Variants in ABLIM3 observed in about 807,000 individuals in gnomAD.
ABLIM3 encodes actin-binding LIM protein 3.
Under a neutral mutation model 109.5 loss-of-function variants are expected in ABLIM3, and 61 were observed. That is an observed-to-expected ratio of 0.56 (90% CI 0.45 to 0.69). ABLIM3 has a LOEUF of 0.69. ABLIM3 is among the 30% of genes least tolerant of loss of function. The probability of loss-of-function intolerance (pLI) is 0.00; values close to 1 mark genes in which losing one functional copy is unlikely to be tolerated. For synonymous variants in ABLIM3, 300 were observed against 324.8 expected (o/e 0.92, Z 0.82); for missense variants, 796 against 889.5 (o/e 0.89, Z 1.34).
chr5:149,158,500 C>T (rs1754046476), intron 2 of ABLIM3, among the ~76,000 whole-genome samples: 1 of 152,098 alleles, frequency 6.6e-6, no homozygotes, highest in Non-Finnish European at 1.5e-5. Context: ...ATATGTAAAA[C>T]ACTTTGAGCT....
intron 14 of ABLIM3, 63 bp downstream of exon 14, chr5:149,240,837 G>A: frequency 6.7e-7 from 1 of 1,489,824 alleles, no homozygotes. Context: ...ACAGGTGCCT[G>A]AGTCACCCCC....
At chr5:149,254,465 C>G (rs780048276) in intron 23 of ABLIM3, among the ~76,000 whole-genome samples, 1 of 152,078 alleles carries the variant, frequency 6.6e-6, no homozygotes, top group Non-Finnish European at 1.5e-5. Flanking sequence ...TGTCAGAAAA[C>G]GTTTGTGGGA....
Position 149,199,802 on chromosome 5 carries a change from G to A in ABLIM3, c.336-514G>A, listed in dbSNP as rs368833641. 7.2e-5 allele frequency among the ~76,000 whole-genome samples: 11 copies of A among 152,352 alleles called. No individual in the cohort carries two copies. The East Asian group carries it at 1.2e-3, about 16-fold the overall frequency. ...TAATTTAGTTGGGGAGGCAGAGCAT[G>A]TGCAAATTTGAGACTCCCCAGCTGT... On this transcript the variant is annotated intron_variant, in intron 4 of 23. Transcript: ENST00000309868.
At chr5:149,233,064 A>G (rs1348906075) in intron 9 of ABLIM3, among the ~76,000 whole-genome samples, 165 bp from the exon 10 acceptor site, 14 of 152,204 alleles carry the variant, frequency 9.2e-5, no homozygotes, top group Non-Finnish European at 1.0e-4. Flanking sequence ...TCGCATTCAT[A>G]CTCAGACCTT....
At chr5:149,226,892 G>A (rs1433919887) in intron 8 of ABLIM3, among the ~76,000 whole-genome samples, 1 of 152,020 alleles carries the variant, frequency 6.6e-6, no homozygotes, top group East Asian at 1.9e-4. Context: ...CCAACACAGA[G>A]AAACCCCATC....
intron 14 of ABLIM3, among the ~76,000 whole-genome samples, chr5:149,241,493 G>A (rs527469870): frequency 3.9e-5 from 6 of 152,194 alleles, no homozygotes; most frequent in Admixed American, 1.3e-4. Context: ...TGGCGTGGTC[G>A]CTCACGCCTG....
At chr5:149,228,962 T>G (rs778931267) in intron 8 of ABLIM3, among the ~76,000 whole-genome samples, 11 of 152,198 alleles carry the variant, frequency 7.2e-5, no homozygotes, top group Non-Finnish European at 1.0e-4. Flanking sequence ...ACTTCTGCCC[T>G]CTTGATCTTT....
chr5:149,243,580 T>G (rs1308896458), intron 15 of ABLIM3: 1 of 152,262 alleles, frequency 6.6e-6, no homozygotes, highest in Non-Finnish European at 1.5e-5. Context: ...TTCTACATTT[T>G]ATACAGACAT....
At chr5:149,159,128 T>A (rs544689504) in intron 2 of ABLIM3, among the ~76,000 whole-genome samples, 2 of 152,346 alleles carry the variant, frequency 1.3e-5, no homozygotes, top group South Asian at 4.1e-4. Flanking sequence ...ACAACCCAAA[T>A]GTTTATATAT....
chr5:149,249,120 G>A (rs2127570479), intron 18 of ABLIM3, among the ~76,000 whole-genome samples: 1 of 152,332 alleles, frequency 6.6e-6, no homozygotes, highest in South Asian at 2.1e-4. Flanking sequence ...CTTGCTCCAA[G>A]TCAAAAGCCA....
intron 18 of ABLIM3, among the ~76,000 whole-genome samples, chr5:149,249,215 C>T (rs1753704868): frequency 6.6e-6 from 1 of 152,206 alleles, no homozygotes; most frequent in South Asian, 2.1e-4. Flanking sequence ...TACACCTTGA[C>T]TCTCAGTGAG....
At chr5:149,185,078 A>T (rs535772808) in intron 3 of ABLIM3, among the ~76,000 whole-genome samples, 7 of 152,328 alleles carry the variant, frequency 4.6e-5, no homozygotes, top group African/African-American at 1.7e-4. Context: ...GTGGTAAAGG[A>T]TATAATTATG....
At chr5:149,147,583 G>C (rs537109614) in intron 2 of ABLIM3, among the ~76,000 whole-genome samples, 1 of 152,126 alleles carries the variant, frequency 6.6e-6, no homozygotes, top group African/African-American at 2.4e-5. Flanking sequence ...AAAGATCTGT[G>C]TAAGTGGACC....
rs775358909 is a variant in ABLIM3, at chr5:149,183,482, G to C, written c.44G>C (p.Arg15Pro). ...TATCAGCAGAATCCTTACAATCCAC[G>C]GGGCAGCTCCAATGTCATCCAGTGC... ...IPYQQNPYNP[R>P]GSSNVIQCYR... is the part of the protein sequence containing the mutation. Residue 15 changes from arginine (R) to proline (P), a missense_variant, in exon 3 of 24, where the codon CGG (arginine) becomes CCG (proline). Coordinates refer to ENST00000309868, the MANE Select transcript of ABLIM3 (RefSeq NM_014945.5). The C allele has an allele frequency of 1.3e-6, 2 of 1,580,678 alleles. No individual in the cohort carries two copies. Among genetic ancestry groups the C allele is most frequent in the Non-Finnish European group, 1.7e-6 (2 of 1,164,230 alleles).
At chr5:149,204,155 G>C (rs1171223116) in intron 5 of ABLIM3, among the ~76,000 whole-genome samples, 1 of 152,178 alleles carries the variant, frequency 6.6e-6, no homozygotes, top group East Asian at 1.9e-4. Flanking sequence ...AGTCTAAAAA[G>C]GATAAAAATG....
At chr5:149,239,626 AG>A (rs11326264) in intron 12 of ABLIM3, 132 bp from the exon 13 acceptor site, 546,084 of 1,245,874 alleles carry the variant, frequency 0.44, 123,080 homozygotes, top group East Asian at 0.56. Context: ...CTCAGGGAGG[AG>A]GGGGGTCTCT....
rs1435016147 is a variant in ABLIM3, at chr5:149,225,431, T to G, written c.758-5218T>G. Among the ~76,000 whole-genome samples, 12 of 152,350 alleles carry G rather than the reference T, an allele frequency of 7.9e-5. No individual in the cohort carries two copies. The East Asian group carries it at 2.1e-3, about 27-fold the overall frequency. On this transcript the variant is annotated intron_variant, in intron 8 of 23. Coordinates refer to ENST00000309868, the MANE Select transcript of ABLIM3 (RefSeq NM_014945.5). ...CAATATATGTTCTTTTGTGACTGGC[T>G]TCTCACCCTGAGAATAATGCTTTCT...
intron 15 of ABLIM3, chr5:149,244,533 T>G (rs147614648): frequency 1.5e-4 from 41 of 270,466 alleles, no homozygotes; most frequent in African/African-American, 8.5e-4. Flanking sequence ...CAGTCTTATT[T>G]GAGGAGCCAC....
At chr5:149,146,347 T>G (rs546278531) in intron 2 of ABLIM3, among the ~76,000 whole-genome samples, 3 of 152,216 alleles carry the variant, frequency 2.0e-5, no homozygotes, top group African/African-American at 7.2e-5. Flanking sequence ...TTTTTGTTTT[T>G]GTTACAATTG....
Sources: gnomAD v4.1 joint callset for allele counts (sites outside exome capture counted in the v4.1 genomes callset) on GRCh38, gnomAD v4.1.1 for gene constraint, MANE v1.5 for transcripts, NCBI Gene and HGNC (gene_info 2026-07-23, HGNC 2026-07-21) for gene names.